ZC3HAV1: variants seen among roughly 807,000 people sequenced by gnomAD.
The protein encoded by ZC3HAV1 is zinc finger CCCH-type containing, antiviral 1, also known as zinc finger CCCH-type antiviral protein 1.
ZC3HAV1 carries 41 observed loss-of-function variants against 86.6 expected under a neutral mutation model. That is an observed-to-expected ratio of 0.47 (90% CI 0.37 to 0.61). ZC3HAV1 has a LOEUF of 0.61. Among genes scored for constraint, ZC3HAV1 ranks in the 20% least tolerant of loss-of-function variants. The pLI, the probability that ZC3HAV1 is intolerant of heterozygous loss-of-function variation, is 0.00. For synonymous variants in ZC3HAV1, 421 were observed against 432.1 expected (o/e 0.97, Z 0.32); for missense variants, 964 against 1,141.1 (o/e 0.84, Z 2.24).
At chr7:139,093,599 C>G (rs930477032) in intron 1 of ZC3HAV1, among the ~76,000 whole-genome samples, 6 of 152,220 alleles carry the variant, frequency 3.9e-5, no homozygotes, top group African/African-American at 1.4e-4. Flanking sequence ...AAAAGCTCCC[C>G]CACTGAGCAC....
Position 139,082,218 on chromosome 7 carries a change from G to A in ZC3HAV1, c.697+1562C>T, listed in dbSNP as rs192490549. ...AGGCGGCCGGCCATTGCAGTGAGCC[G>A]AGGTCGCACCACTGAACTCCAGCCT... On this transcript the variant is annotated intron_variant, in intron 3 of 12. Transcript: ENST00000242351. Among the ~76,000 whole-genome samples the A allele has an allele frequency of 7.6e-3, 1,157 of 151,940 alleles. 9 individuals carry two copies. Among genetic ancestry groups the A allele is most frequent in the Middle Eastern group, 0.014 (4 of 294 alleles).
At position 139,095,072 on chromosome 7, in the gene ZC3HAV1, GC is replaced by G. The variant is rs1296376936; in HGVS notation, c.309-5314del. On this transcript the variant is annotated intron_variant, in intron 1 of 12. Coordinates refer to ENST00000242351, the MANE Select transcript of ZC3HAV1 (RefSeq NM_020119.4). ...TGCTCCCTAACACCTAATAGGGTTG[GC>G]AAAAACAAAAAGATCGTTGATTTGT... is the stretch of plus-strand genomic sequence containing the variant. 6.6e-5 allele frequency among the ~76,000 whole-genome samples: 10 copies of G among 151,156 alleles called. 1 individual carries two copies. The highest frequency in any genetic ancestry group is 2.9e-5 in the Non-Finnish European group (2 of 67,868).
At chr7:139,078,485 T>A in intron 5 of ZC3HAV1, 67 bp downstream of exon 5, 2 of 1,205,796 alleles carry the variant, frequency 1.7e-6, no homozygotes, top group Non-Finnish European at 1.2e-6. Flanking sequence ...CACACCCATG[T>A]TCATAGCAGT....
At chr7:139,081,290 T>G (rs769091611) in intron 3 of ZC3HAV1, among the ~76,000 whole-genome samples, 9 of 152,168 alleles carry the variant, frequency 5.9e-5, no homozygotes, top group Non-Finnish European at 1.0e-4. Flanking sequence ...TGAATTGTGC[T>G]TTTTTGTGTG....
chr7:139,089,677 T>C lies in ZC3HAV1; in HGVS notation c.391A>G (p.Lys131Glu), dbSNP rs1817373875. Reference protein sequence around the residue: ...LKNHELSGLNKEELAVLLLQS... With the variant: ...LKNHELSGLNEEELAVLLLQS... ...AGGAGGAGCACTGCTAATTCCTCTT[T>C]GTTCAGTCCAGAGAGTTCGTGATTT... The change falls in exon 2 of 13, where the codon AAA becomes GAA. Residue 131 changes from lysine (K) to glutamate (E), a missense_variant. Transcript: ENST00000242351. 6.2e-7 allele frequency: 1 copy of C among 1,613,064 alleles called. No individual in the cohort carries two copies.
intron 1 of ZC3HAV1, among the ~76,000 whole-genome samples, chr7:139,104,786 C>A (rs1355287945): frequency 6.7e-6 from 1 of 149,164 alleles, no homozygotes; most frequent in Non-Finnish European, 1.5e-5. Flanking sequence ...GCCTGTAATC[C>A]TGCACTTTGG....
Position 139,083,991 on chromosome 7 carries a change from A to G in ZC3HAV1, c.486T>C (p.Cys162=), listed in dbSNP as rs1381591502. ...SYKGEGRQQI[C]NQQPPCSRLH... is the part of the protein sequence containing the mutation. ...GTCTTGAACACGGTGGCTGCTGGTT[A>G]CAAATCTGCTGCCGACCCTCTCCCT... Residue 162 remains cysteine (C), a synonymous_variant, in exon 3 of 13, where the codon TGT becomes TGC. Transcript: ENST00000242351. 1.2e-6 allele frequency: 2 copies of G among 1,614,152 alleles called. No individual in the cohort carries two copies. Among genetic ancestry groups the G allele is most frequent in the South Asian group, 2.2e-5 (2 of 91,080 alleles).
intron 1 of ZC3HAV1, among the ~76,000 whole-genome samples, chr7:139,099,964 AAAAT>A (rs775427397): frequency 5.9e-4 from 90 of 152,140 alleles, no homozygotes; most frequent in Non-Finnish European, 8.5e-4. Flanking sequence ...GTAAATAAAT[AAAAT>A]AAATAGTTTT....
intron 12 of ZC3HAV1, among the ~76,000 whole-genome samples, chr7:139,050,576 G>A (rs10241704): frequency 0.013 from 1,923 of 152,186 alleles, 53 homozygotes; most frequent in African/African-American, 0.044. Flanking sequence ...CACCATGTTG[G>A]TCAGGCTGGT....
At chr7:139,091,641 G>C (rs1367704293) in intron 1 of ZC3HAV1, among the ~76,000 whole-genome samples, 1 of 151,922 alleles carries the variant, frequency 6.6e-6, no homozygotes, top group East Asian at 1.9e-4. Flanking sequence ...TTTTGAGACA[G>C]GGTCTCACTC....
At chr7:139,049,604 C>T (rs1390451506) in intron 12 of ZC3HAV1, 1 of 152,446 alleles carries the variant, frequency 6.6e-6, no homozygotes, top group East Asian at 1.9e-4. Flanking sequence ...ATGAGTTAAT[C>T]CAACCATGAG....
In ZC3HAV1 at chr7:139,044,071, G is replaced by A. The variant is rs1185415947; in HGVS notation, c.*3523C>T. 6.6e-6 allele frequency: 1 copy of A among 152,230 alleles called. No individual in the cohort carries two copies. The allele number at this position is 152,230 out of a possible 1,614,324, so 9.4% of individuals were successfully genotyped here. ...GAATTATTCTGTACCCTGTACGACT[G>A]TCTAATGTCCTGCTGGACATTTAGG... On this transcript the variant is annotated 3_prime_UTR_variant, in exon 13 of 13. Coordinates refer to ENST00000242351, the MANE Select transcript of ZC3HAV1 (RefSeq NM_020119.4).
rs948902043 is a variant in ZC3HAV1, at chr7:139,046,696, T to G, written c.*898A>C. The G allele has an allele frequency of 6.6e-6, 1 of 152,166 alleles. No individual in the cohort carries two copies. Among genetic ancestry groups the G allele is most frequent in the Non-Finnish European group, 1.5e-5 (1 of 68,036 alleles). The allele number at this position is 152,166 out of a possible 1,614,324, so 9.4% of individuals were successfully genotyped here. A position where few individuals can be genotyped will look rare whatever the true frequency, so the allele number is the denominator to read the frequency against. On this transcript the variant is annotated 3_prime_UTR_variant, in exon 13 of 13. Transcript: ENST00000242351. Reference sequence around the variant, plus strand: ...AATCAGTTTCATCAGAATGATAAGGTACAGTACTGCAGCCATGTCTGCAAT... The same window carrying G: ...AATCAGTTTCATCAGAATGATAAGGGACAGTACTGCAGCCATGTCTGCAAT...
At position 139,068,023 on chromosome 7, in the gene ZC3HAV1, C is replaced by A. The variant is rs561187685; in HGVS notation, c.1873-3024G>T. Among the ~76,000 whole-genome samples the A allele has an allele frequency of 1.5e-4, 21 of 137,168 alleles. No homozygotes were observed. The South Asian group carries it at 5.1e-3, about 34-fold the overall frequency. 90.0% of individuals were successfully genotyped at this position (137,168 alleles called of 152,430 possible). A position where few individuals can be genotyped will look rare whatever the true frequency, so the allele number is the denominator to read the frequency against. On this transcript the variant is annotated intron_variant, in intron 7 of 12. Transcript: ENST00000242351. Reference sequence around the variant, plus strand: ...TGGTATAGGGAGGACCTCTTTCTTTCTTTATTATTATTATTATTATTATTA... The same window carrying A: ...TGGTATAGGGAGGACCTCTTTCTTTATTTATTATTATTATTATTATTATTA...
At chr7:139,087,519 C>A (rs530445027) in intron 2 of ZC3HAV1, among the ~76,000 whole-genome samples, 1 of 151,980 alleles carries the variant, frequency 6.6e-6, no homozygotes, top group African/African-American at 2.4e-5. Context: ...GAAGAATGCA[C>A]GGGGCTGGAG....
At chr7:139,094,361 C>T (rs1817518206) in intron 1 of ZC3HAV1, among the ~76,000 whole-genome samples, 1 of 152,090 alleles carries the variant, frequency 6.6e-6, no homozygotes, top group African/African-American at 2.4e-5. Context: ...ACTCCCCTCT[C>T]GCCAGTACAA....
rs1815884356 is a variant in ZC3HAV1 at position 139,043,836 on chromosome 7, T to A, written c.*3758A>T. On this transcript the variant is annotated 3_prime_UTR_variant, in exon 13 of 13. Coordinates refer to ENST00000242351, the MANE Select transcript of ZC3HAV1 (RefSeq NM_020119.4). ...GTTTGGGAGGCCAAGATCTGACCTA[T>A]TCTGTAGAAGGACTCCTTAGGAAAG... 6.6e-6 allele frequency: 1 copy of A among 152,182 alleles called. No homozygotes were observed. The highest frequency in any genetic ancestry group is 2.1e-4 in the South Asian group (1 of 4,834). The allele number at this position is 152,182 out of a possible 1,614,324, so 9.4% of individuals were successfully genotyped here.
At chr7:139,091,972 G>A (rs767578545) in intron 1 of ZC3HAV1, among the ~76,000 whole-genome samples, 4 of 152,082 alleles carry the variant, frequency 2.6e-5, no homozygotes, top group African/African-American at 7.2e-5. Flanking sequence ...AGTTCTCCCC[G>A]CCCCCGAAGA....
rs1387959860 is a variant in ZC3HAV1 at position 139,097,412 on chromosome 7, A to ATTTT, written c.309-7654_309-7653insAAAA. Among the ~76,000 whole-genome samples the ATTTT allele has an allele frequency of 6.5e-4, 48 of 74,332 alleles. 2 individuals are homozygous for ATTTT. The highest frequency in any genetic ancestry group is 1.0e-3 in the Non-Finnish European group (43 of 42,198). The allele number at this position is 74,332 out of a possible 152,430, so 48.8% of individuals were successfully genotyped here. A position where few individuals can be genotyped will look rare whatever the true frequency, so the allele number is the denominator to read the frequency against. ...AAATATTGGAACTCCATATATATAT[A>ATTTT]TATATATATATATATATTTTTTTTT... On this transcript the variant is annotated intron_variant, in intron 1 of 12. Coordinates refer to ENST00000242351, the MANE Select transcript of ZC3HAV1 (RefSeq NM_020119.4).
Sources: allele counts gnomAD v4.1 joint callset (sites outside exome capture counted in the v4.1 genomes callset), GRCh38; gene constraint gnomAD v4.1.1; transcripts MANE v1.5; gene names NCBI Gene and HGNC (gene_info 2026-07-23, HGNC 2026-07-21).